LCA5: variants seen among roughly 807,000 people sequenced by gnomAD.
The protein encoded by LCA5 is lebercilin.
Under a neutral mutation model 53.0 loss-of-function variants are expected in LCA5, and 37 were observed. The observed-to-expected ratio is 0.70, with a 90% CI of 0.54 to 0.92. The LOEUF (loss-of-function observed/expected upper bound fraction) is 0.92, where lower values mean the gene tolerates loss of function less well. Among genes scored for constraint, LCA5 ranks in the 40% least tolerant of loss-of-function variants. LCA5 has a pLI of 0.00. For synonymous variants in LCA5, 303 were observed against 282.9 expected (o/e 1.07, Z -0.71); for missense variants, 806 against 790.5 (o/e 1.02, Z -0.23).
rs144016257 is a variant in LCA5, at chr6:79,513,411, C to G, written c.521G>C (p.Arg174Pro). The change falls in exon 3 of 8, where the codon CGC becomes CCC. Residue 174 changes from arginine (R) to proline (P), a missense_variant. Arg to Pro is a moderately radical substitution (Grantham distance 103). Coordinates refer to ENST00000369846, the MANE Select transcript of LCA5 (RefSeq NM_001122769.3). Reference protein sequence around the residue: ...HNNEITALKERLRKSQEKERA... With the variant: ...HNNEITALKEPLRKSQEKERA... ...TTCTTTCTCTTGAGATTTTCTTAAG[C>G]GTTCTTTGAGTGCTGTAATCTCATT... 1 of 1,613,766 alleles carries G rather than the reference C, an allele frequency of 6.2e-7. No homozygotes were observed. Among genetic ancestry groups the G allele is most frequent in the African/African-American group, 1.3e-5 (1 of 74,976 alleles).
chr6:79,487,293 G>C lies in LCA5; in HGVS notation c.1805C>G (p.Ala602Gly), dbSNP rs1769692203. ...ACCAAATAACTGTTCCATCAAATTA[G>C]CTTTTTTCTCTTTTCTTGTAATTAA... is the stretch of plus-strand genomic sequence containing the variant. ...VDLITRKEKK[A>G]NLMEQLFGAS... Residue 602 changes from alanine to glycine, a missense_variant, in exon 8 of 8, where the codon GCT becomes GGT. Coordinates refer to ENST00000369846, the MANE Select transcript of LCA5 (RefSeq NM_001122769.3). 1.9e-6 allele frequency: 3 copies of C among 1,613,008 alleles called. No individual in the cohort carries two copies. Among genetic ancestry groups the C allele is most frequent in the Non-Finnish European group, 2.5e-6 (3 of 1,179,588 alleles).
At chr6:79,510,036 G>A (rs1371978180) in intron 3 of LCA5, among the ~76,000 whole-genome samples, 1 of 152,148 alleles carries the variant, frequency 6.6e-6, no homozygotes, top group Admixed American at 6.5e-5. Flanking sequence ...ATCAAGAGTA[G>A]CTAAAATAGT....
Position 79,518,207 on chromosome 6 carries a change from G to A in LCA5, c.190+498C>T, listed in dbSNP as rs1374725628. On this transcript the variant is annotated intron_variant, in intron 2 of 7. Transcript: ENST00000369846. ...GTTTCCATTATAACACACTTCAAAA[G>A]AAAGCAAATTAGACCAAAGGCCCCA... Among the ~76,000 whole-genome samples the A allele has an allele frequency of 2.6e-5, 4 of 151,990 alleles. No individual in the cohort carries two copies. In the East Asian group the frequency reaches 7.7e-4, roughly 29 times the overall value.
intron 6 of LCA5, 28 bp downstream of exon 6, chr6:79,491,560 T>A: frequency 1.2e-6 from 2 of 1,611,210 alleles, no homozygotes; most frequent in Non-Finnish European, 1.7e-6. Flanking sequence ...AGACCGAGTT[T>A]GGTACATAAC....
At chr6:79,525,686 AG>A (rs1766763780) in intron 1 of LCA5, among the ~76,000 whole-genome samples, 2 of 152,254 alleles carry the variant, frequency 1.3e-5, no homozygotes, top group Admixed American at 6.5e-5. Flanking sequence ...ATTCCTGCAA[AG>A]GCTCAGAGAT....
chr6:79,507,261 G>A (rs1481029996), intron 3 of LCA5, among the ~76,000 whole-genome samples: 1 of 152,016 alleles, frequency 6.6e-6, no homozygotes, highest in Non-Finnish European at 1.5e-5. Flanking sequence ...TTTATTTTTG[G>A]TTTGGGAAAT....
chr6:79,501,089 A>G (rs1258112297), intron 3 of LCA5, among the ~76,000 whole-genome samples: 3 of 152,186 alleles, frequency 2.0e-5, no homozygotes, highest in Non-Finnish European at 2.9e-5. Flanking sequence ...TTAAAAAATT[A>G]CGCTTTAACT....
Position 79,491,588 on chromosome 6 carries a change from C to G in LCA5, c.1098G>C (p.Leu366Phe). The G allele has an allele frequency of 1.2e-6, 2 of 1,612,652 alleles. No homozygotes were observed. The highest frequency in any genetic ancestry group is 2.7e-5 in the African/African-American group (2 of 74,982). ...TACATAACAATACTGCTAAACTCAC[C>G]AAAGTAAGATGTCCTGGTTCTTCCC... ...NKWEEPGHLT[L>F]DLQSQKQDRH... Residue 366 changes from leucine to phenylalanine, a missense_variant and splice_region_variant, in exon 6 of 8, where the codon TTG becomes TTC. Leu to Phe is a conservative substitution (Grantham distance 22). Coordinates refer to ENST00000369846, the MANE Select transcript of LCA5 (RefSeq NM_001122769.3).
rs1440009684 is a variant in LCA5 at position 79,486,925 on chromosome 6, A to G, written c.*79T>C. 1 of 1,198,136 alleles carries G rather than the reference A, an allele frequency of 8.3e-7. No individual in the cohort carries two copies. The highest frequency in any genetic ancestry group is 1.2e-6 in the Non-Finnish European group (1 of 862,632). The allele number at this position is 1,198,136 out of a possible 1,614,324, so 74.2% of individuals were successfully genotyped here. A position where few individuals can be genotyped will look rare whatever the true frequency, so the allele number is the denominator to read the frequency against. ...CTTAATAAGGACATTTTAGCATTAA[A>G]AAGTCTAAATGTTTATAATAAATAC... On this transcript the variant is annotated 3_prime_UTR_variant, in exon 8 of 8. Transcript: ENST00000369846.
At chr6:79,531,883 CAT>C (rs559977823) in intron 1 of LCA5, among the ~76,000 whole-genome samples, 1 of 151,698 alleles carries the variant, frequency 6.6e-6, no homozygotes, top group Non-Finnish European at 1.5e-5. Flanking sequence ...CAGGGCAGCA[CAT>C]GTTATCTACA....
At chr6:79,525,274 A>G (rs1766748778) in intron 1 of LCA5, 1 of 151,882 alleles carries the variant, frequency 6.6e-6, no homozygotes, top group African/African-American at 2.4e-5. Flanking sequence ...TTTATACTTA[A>G]AAAAAAAGAA....
intron 6 of LCA5, 57 bp from the exon 7 acceptor site, chr6:79,489,273 A>T: frequency 6.5e-7 from 1 of 1,542,622 alleles, no homozygotes; most frequent in Non-Finnish European, 8.9e-7. Context: ...GGGGGAACTA[A>T]GCAACACAGA....
chr6:79,501,251 T>C (rs1770130182), intron 3 of LCA5, among the ~76,000 whole-genome samples: 1 of 152,140 alleles, frequency 6.6e-6, no homozygotes, highest in South Asian at 2.1e-4. Context: ...TTGTCATCCA[T>C]CAAATTCGTT....
chr6:79,498,460 TA>T (rs1172193940), intron 3 of LCA5, among the ~76,000 whole-genome samples: 1 of 152,010 alleles, frequency 6.6e-6, no homozygotes, highest in African/African-American at 2.4e-5. Context: ...ATACCAGGGC[TA>T]AAAAATACTT....
rs113293201 is a variant in LCA5, at chr6:79,521,072, A to C, written c.-191-1987T>G. On this transcript the variant is annotated intron_variant, in intron 1 of 7. Transcript: ENST00000369846. ...ACTTGAGATGTTGCTGGTGTAACTG[A>C]AGAACTAATTTTTAATTTTATTTAA... Among the ~76,000 whole-genome samples the C allele has an allele frequency of 1.4e-3, 216 of 152,296 alleles. 6 individuals are homozygous for C. Among genetic ancestry groups the C allele is most frequent in the African/African-American group, 5.0e-3 (206 of 41,578 alleles).
chr6:79,536,380 T>C (rs1242708965), intron 1 of LCA5, among the ~76,000 whole-genome samples: 1 of 152,118 alleles, frequency 6.6e-6, no homozygotes, highest in East Asian at 1.9e-4. Flanking sequence ...AACGTGAAGA[T>C]AAAGGAGGGG....
At chr6:79,529,915 T>C (rs528987943) in intron 1 of LCA5, among the ~76,000 whole-genome samples, 3 of 131,412 alleles carry the variant, frequency 2.3e-5, no homozygotes, top group Admixed American at 8.9e-5. Flanking sequence ...ATGAGAACAC[T>C]TGGACACAGG....
chr6:79,505,565 G>A (rs937951416), intron 3 of LCA5, among the ~76,000 whole-genome samples: 2 of 151,968 alleles, frequency 1.3e-5, no homozygotes, highest in African/African-American at 2.4e-5. Context: ...AAATCATTCC[G>A]TTTAATTTCT....
In LCA5 at chr6:79,485,276, A is replaced by G. The variant is rs1437396404; in HGVS notation, c.*1728T>C. Reference sequence around the variant, plus strand: ...ACGTGAATAAAAAACTTAACTAAAAAGTTTTAAAAGCCTTTAAAACAACCT... The same window carrying G: ...ACGTGAATAAAAAACTTAACTAAAAGGTTTTAAAAGCCTTTAAAACAACCT... On this transcript the variant is annotated 3_prime_UTR_variant, in exon 8 of 8. Transcript: ENST00000369846. The G allele has an allele frequency of 6.6e-6, 1 of 152,584 alleles. No individual in the cohort carries two copies. Among genetic ancestry groups the G allele is most frequent in the Non-Finnish European group, 1.5e-5 (1 of 67,984 alleles). 9.5% of individuals were successfully genotyped at this position (152,584 alleles called of 1,614,324 possible).
Sources: gnomAD v4.1 joint callset for allele counts (sites outside exome capture counted in the v4.1 genomes callset) on GRCh38, gnomAD v4.1.1 for gene constraint, MANE v1.5 for transcripts, NCBI Gene and HGNC (gene_info 2026-07-23, HGNC 2026-07-21) for gene names.